The following NWD1 variants were observed in gnomAD, a reference collection of about 807,000 sequenced individuals.
The protein encoded by NWD1 is NACHT domain- and WD repeat-containing protein 1.
NWD1 carries 129 observed loss-of-function variants against 135.1 expected under a neutral mutation model. The ratio of observed to expected loss-of-function variants is 0.96; its 90% CI spans 0.83 to 1.11. NWD1 has a LOEUF of 1.11. Among genes scored for constraint, NWD1 ranks in the 50% least tolerant of loss-of-function variants. The pLI, the probability that NWD1 is intolerant of heterozygous loss-of-function variation, is 0.00. For synonymous variants in NWD1, 773 were observed against 786.0 expected (o/e 0.98, Z 0.28); for missense variants, 1,740 against 1,851.3 (o/e 0.94, Z 1.10).
chr19:16,721,253 CATGGGACA>C (rs1457647570), intron 1 of NWD1: 1 of 152,062 alleles, frequency 6.6e-6, no homozygotes, highest in Admixed American at 6.6e-5. Context: ...TCCTAAAATG[CATGGGACA>C]ATTGCCACCA....
chr19:16,786,674 G>C (rs1457091066), intron 12 of NWD1, among the ~76,000 whole-genome samples: 1 of 151,952 alleles, frequency 6.6e-6, no homozygotes, highest in African/African-American at 2.4e-5. Context: ...AGCTTCCCGA[G>C]GAGCTGGGAT....
At chr19:16,750,467 T>C in intron 6 of NWD1, 56 bp downstream of exon 6, 1 of 1,339,250 alleles carries the variant, frequency 7.5e-7, no homozygotes, top group Non-Finnish European at 9.9e-7. Context: ...CTTTTTTTAT[T>C]TTTAGAGATG....
At chr19:16,805,464 G>A (rs1015506364) in intron 17 of NWD1, among the ~76,000 whole-genome samples, 5 of 152,080 alleles carry the variant, frequency 3.3e-5, no homozygotes, top group African/African-American at 1.2e-4. Flanking sequence ...AAAGTGCTGG[G>A]ATTAGAGGCG....
intron 1 of NWD1, among the ~76,000 whole-genome samples, chr19:16,722,037 C>T (rs1025721469): frequency 6.6e-6 from 1 of 151,878 alleles, no homozygotes; most frequent in African/African-American, 2.4e-5. Context: ...GGTTTGAGTC[C>T]AGGAGTTCAA....
rs1307110262 is a variant in NWD1, at chr19:16,722,774, G to A, written c.-104-1592G>A. 4.0e-5 allele frequency among the ~76,000 whole-genome samples: 6 copies of A among 151,856 alleles called. No homozygotes were observed. The East Asian group carries it at 5.8e-4, about 15-fold the overall frequency. ...GATACTAACAACATGACTTAGAGAG[G>A]GAGCTTTAAGTCACGTGATATTGGT... On this transcript the variant is annotated intron_variant, in intron 1 of 18. Transcript: ENST00000524140.
At chr19:16,755,611 ACTC>A (rs1471707445) in intron 6 of NWD1, among the ~76,000 whole-genome samples, 1 of 151,514 alleles carries the variant, frequency 6.6e-6, no homozygotes, top group African/African-American at 2.4e-5. Flanking sequence ...CTGGTCTCGA[ACTC>A]CTGGCCTCAA....
At chr19:16,783,246 G>C (rs1255817440) in intron 12 of NWD1, among the ~76,000 whole-genome samples, 1 of 151,582 alleles carries the variant, frequency 6.6e-6, no homozygotes, top group Admixed American at 6.6e-5. Context: ...TGTTTCCCAG[G>C]CTGGTCTTGA....
chr19:16,750,031 C>T lies in NWD1; in HGVS notation c.1389C>T (p.His463=), dbSNP rs1599463536. Residue 463 remains histidine, a synonymous_variant, in exon 6 of 19, where the codon CAC becomes CAT. Transcript: ENST00000524140. ...CTCTCAACTGCCCCCCGAGGGTGCA[C>T]CTCATCCTCTCAGCTTGCTCGGGGG... is the stretch of plus-strand genomic sequence containing the variant. The part of the protein sequence containing the change: ...WLPLNCPPRV[H]LILSACSGAL... 6.2e-7 allele frequency: 1 copy of T among 1,613,762 alleles called. No homozygotes were observed. The highest frequency in any genetic ancestry group is 8.5e-7 in the Non-Finnish European group (1 of 1,179,970).
chr19:16,782,306 A>G (rs923659492), intron 12 of NWD1, among the ~76,000 whole-genome samples: 4 of 148,210 alleles, frequency 2.7e-5, no homozygotes, highest in African/African-American at 9.9e-5. Context: ...AAAAAAAAAA[A>G]GTGTTTTAAA....
chr19:16,789,799 C>T (rs976281665), intron 13 of NWD1, among the ~76,000 whole-genome samples: 6 of 148,452 alleles, frequency 4.0e-5, no homozygotes, highest in African/African-American at 1.5e-4. Context: ...CTCACTGCAA[C>T]CTCCACCTCC....
At chr19:16,768,630 C>G (rs1290049783) in intron 10 of NWD1, among the ~76,000 whole-genome samples, 2 of 151,940 alleles carry the variant, frequency 1.3e-5, no homozygotes, top group Non-Finnish European at 2.9e-5. Context: ...AAAGGGCTCA[C>G]ACATTTTAAT....
intron 7 of NWD1, among the ~76,000 whole-genome samples, chr19:16,761,737 T>C (rs1599483942): frequency 6.6e-6 from 1 of 152,248 alleles, no homozygotes; most frequent in East Asian, 1.9e-4. Flanking sequence ...TTATTTTATG[T>C]GTAAATTTTG....
At chr19:16,745,938 T>G (rs1968295545) in intron 5 of NWD1, among the ~76,000 whole-genome samples, 1 of 151,692 alleles carries the variant, frequency 6.6e-6, no homozygotes, top group South Asian at 2.1e-4. Flanking sequence ...ATTAATTAAT[T>G]AAATAAAATA....
intron 10 of NWD1, among the ~76,000 whole-genome samples, chr19:16,766,496 G>C (rs1969228310): frequency 6.6e-6 from 1 of 152,168 alleles, no homozygotes; most frequent in Non-Finnish European, 1.5e-5. Flanking sequence ...CCCTGCCCTA[G>C]AGCTTGAAGA....
chr19:16,802,001 A>G (rs1194524600), intron 17 of NWD1, among the ~76,000 whole-genome samples: 1 of 151,932 alleles, frequency 6.6e-6, no homozygotes, highest in Non-Finnish European at 1.5e-5. Flanking sequence ...AAATAAAAAT[A>G]ATGGCCGGGC....
At chr19:16,810,770 AAACT>A (rs1288002505) in intron 18 of NWD1, among the ~76,000 whole-genome samples, 4 of 152,186 alleles carry the variant, frequency 2.6e-5, no homozygotes, top group Non-Finnish European at 5.9e-5. Flanking sequence ...CTCTCGAGCA[AAACT>A]AACTAATAAA....
intron 17 of NWD1, among the ~76,000 whole-genome samples, chr19:16,800,480 G>A (rs555390311): frequency 1.3e-5 from 2 of 152,262 alleles, no homozygotes; most frequent in African/African-American, 2.4e-5. Flanking sequence ...GCAGTGAGCC[G>A]GGATCCTGAC....
At chr19:16,802,463 T>TAA (rs1165843521) in intron 17 of NWD1, among the ~76,000 whole-genome samples, 2,021 of 96,444 alleles carry the variant, frequency 0.021, 26 homozygotes, top group Non-Finnish European at 0.031. Flanking sequence ...CTATCTCAAT[T>TAA]AAAAAAAAAA....
At chr19:16,805,269 G>C (rs1599560095) in intron 17 of NWD1, among the ~76,000 whole-genome samples, 1 of 151,878 alleles carries the variant, frequency 6.6e-6, no homozygotes, top group Non-Finnish European at 1.5e-5. Flanking sequence ...GTGTTGGCCA[G>C]GCTAGTCTCG....
Sources: gnomAD v4.1 joint callset for allele counts (sites outside exome capture counted in the v4.1 genomes callset) on GRCh38, gnomAD v4.1.1 for gene constraint, MANE v1.5 for transcripts, NCBI Gene and HGNC (gene_info 2026-07-23, HGNC 2026-07-21) for gene names.